RAB3C: variants seen among roughly 807,000 people sequenced by gnomAD.
RAB3C encodes the protein RAB3C, member RAS oncogene family, also known as ras-related protein Rab-3C.
A neutral mutation model predicts 26.4 loss-of-function variants in RAB3C; 17 were observed. That is an observed-to-expected ratio of 0.64 (90% CI 0.44 to 0.97). The LOEUF (loss-of-function observed/expected upper bound fraction) is 0.97, where lower values mean the gene tolerates loss of function less well. Ranked by LOEUF, RAB3C falls within the 50% of genes least tolerant of loss-of-function variation. The pLI is 0.00. For missense variants in RAB3C, 242 were observed against 281.9 expected (o/e 0.86, Z 1.01); for synonymous variants, 91 against 95.9 (o/e 0.95, Z 0.30).
At chr5:58,742,753 G>A (rs1008227080) in intron 3 of RAB3C, among the ~76,000 whole-genome samples, 10 of 152,118 alleles carry the variant, frequency 6.6e-5, no homozygotes, top group African/African-American at 2.4e-4. Flanking sequence ...TGAATTGACA[G>A]AGCAGAGTTT....
Position 58,851,236 on chromosome 5 carries a change from T to TC in RAB3C, c.570dup (p.Ile191HisfsTer12). ...CAGACATTTGAGCGCCTTGTGGATA[T>TC]CATCTGCGACAAAATGTCAGAGAGT... On this transcript the variant is annotated frameshift_variant, in exon 5 of 5. Transcript: ENST00000282878. LOFTEE classifies it high-confidence loss of function. 6.2e-7 allele frequency: 1 copy of TC among 1,613,986 alleles called. No individual in the cohort carries two copies. Among genetic ancestry groups the TC allele is most frequent in the Non-Finnish European group, 8.5e-7 (1 of 1,179,926 alleles).
intron 2 of RAB3C, among the ~76,000 whole-genome samples, chr5:58,659,508 G>A (rs556744880): frequency 6.6e-6 from 1 of 152,254 alleles, no homozygotes; most frequent in South Asian, 2.1e-4. Context: ...GCCAATGAAA[G>A]GAATAGACTT....
At chr5:58,738,672 G>A (rs371670707) in intron 3 of RAB3C, among the ~76,000 whole-genome samples, 1 of 152,134 alleles carries the variant, frequency 6.6e-6, no homozygotes, top group East Asian at 1.9e-4. Flanking sequence ...CCCAAGTCAG[G>A]CTATATAGGG....
intron 2 of RAB3C, among the ~76,000 whole-genome samples, chr5:58,681,800 A>C (rs1026673794): frequency 2.6e-5 from 4 of 152,192 alleles, no homozygotes; most frequent in Non-Finnish European, 5.9e-5. Context: ...GATTTTAAGC[A>C]AGATTGGGAT....
chr5:58,838,556 A>G (rs1359120394), intron 4 of RAB3C, among the ~76,000 whole-genome samples: 1 of 152,158 alleles, frequency 6.6e-6, no homozygotes, highest in Non-Finnish European at 1.5e-5. Flanking sequence ...CAGGTAAGAT[A>G]CTTAATATAA....
chr5:58,734,121 A>G (rs1741086910), intron 3 of RAB3C, among the ~76,000 whole-genome samples: 1 of 152,204 alleles, frequency 6.6e-6, no homozygotes, highest in African/African-American at 2.4e-5. Flanking sequence ...TCAGTTTTAA[A>G]TAATTCATTT....
intron 2 of RAB3C, among the ~76,000 whole-genome samples, chr5:58,719,827 G>T (rs1403774492): frequency 6.6e-6 from 1 of 151,824 alleles, no homozygotes; most frequent in African/African-American, 2.4e-5. Context: ...TGGGTACAGG[G>T]TATACTGCTT....
chr5:58,827,009 T>A (rs1019541648), intron 4 of RAB3C, among the ~76,000 whole-genome samples: 1 of 152,212 alleles, frequency 6.6e-6, no homozygotes, highest in Non-Finnish European at 1.5e-5. Context: ...CCAAATATTC[T>A]TAGAGCCACC....
intron 2 of RAB3C, among the ~76,000 whole-genome samples, chr5:58,659,829 G>A (rs1747861609): frequency 6.6e-6 from 1 of 152,004 alleles, no homozygotes; most frequent in Non-Finnish European, 1.5e-5. Flanking sequence ...TTTGAGACAA[G>A]GTCTGGCTCT....
At chr5:58,823,972 G>A (rs1743412471) in intron 3 of RAB3C, among the ~76,000 whole-genome samples, 1 of 148,932 alleles carries the variant, frequency 6.7e-6, no homozygotes, top group Non-Finnish European at 1.5e-5. Flanking sequence ...GAGAACATGC[G>A]GTGTTTGGTT....
chr5:58,682,871 C>T (rs1235116032), intron 2 of RAB3C, among the ~76,000 whole-genome samples: 1 of 152,166 alleles, frequency 6.6e-6, no homozygotes, highest in African/African-American at 2.4e-5. Context: ...ATTTACTCAA[C>T]ATGTTCCTGA....
At chr5:58,723,671 C>T (rs781492491) in intron 2 of RAB3C, among the ~76,000 whole-genome samples, 1 of 151,660 alleles carries the variant, frequency 6.6e-6, no homozygotes, top group Non-Finnish European at 1.5e-5. Flanking sequence ...CCAATAGTGA[C>T]CTTATGAGAC....
chr5:58,701,119 C>T (rs1748833278), intron 2 of RAB3C, among the ~76,000 whole-genome samples: 1 of 152,038 alleles, frequency 6.6e-6, no homozygotes, highest in Non-Finnish European at 1.5e-5. Flanking sequence ...CCTCAGCCCC[C>T]AGAGTAGCTG....
chr5:58,769,372 A>G (rs1260228705), intron 3 of RAB3C, among the ~76,000 whole-genome samples: 1 of 152,118 alleles, frequency 6.6e-6, no homozygotes, highest in Non-Finnish European at 1.5e-5. Context: ...GTATTAAAGT[A>G]TGTGTACATT....
intron 2 of RAB3C, among the ~76,000 whole-genome samples, chr5:58,708,601 G>A (rs982370983): frequency 2.0e-5 from 3 of 152,190 alleles, no homozygotes; most frequent in Admixed American, 6.5e-5. Context: ...TCAAGCAGTA[G>A]AGTCTGTTTA....
At chr5:58,626,164 C>A (rs545795750) in intron 2 of RAB3C, among the ~76,000 whole-genome samples, 1 of 152,290 alleles carries the variant, frequency 6.6e-6, no homozygotes, top group Admixed American at 6.5e-5. Flanking sequence ...ATGTTTCTAG[C>A]TGCTTTCCTT....
At chr5:58,749,706 TATTCATCAAA>T (rs1741481467) in intron 3 of RAB3C, among the ~76,000 whole-genome samples, 1 of 152,216 alleles carries the variant, frequency 6.6e-6, no homozygotes, top group South Asian at 2.1e-4. Context: ...AAATTTGTCA[TATTCATCAAA>T]ATAACTTTCC....
chr5:58,812,155 G>A (rs1743106393), intron 3 of RAB3C, among the ~76,000 whole-genome samples: 1 of 152,112 alleles, frequency 6.6e-6, no homozygotes, highest in South Asian at 2.1e-4. Flanking sequence ...ACAAAACCTG[G>A]ATGTGACTGT....
In RAB3C at chr5:58,833,325, C is replaced by CACAT. The variant is rs66630262; in HGVS notation, c.496+8166_496+8167insTACA. 7.4e-3 allele frequency among the ~76,000 whole-genome samples: 465 copies of CACAT among 63,086 alleles called. 4 individuals are homozygous for CACAT. The highest frequency in any genetic ancestry group is 0.018 in the Middle Eastern group (3 of 170). 41.4% of individuals were successfully genotyped at this position (63,086 alleles called of 152,430 possible). A position where few individuals can be genotyped will look rare whatever the true frequency, so the allele number is the denominator to read the frequency against. ...TTAAAAACCATGGCACGGACCCCATCACACACACACACACACACACACACA... is the reference window on the plus strand; with the variant it reads ...TTAAAAACCATGGCACGGACCCCATCACATACACACACACACACACACACACACA... On this transcript the variant is annotated intron_variant, in intron 4 of 4. Coordinates refer to ENST00000282878, the MANE Select transcript of RAB3C (RefSeq NM_138453.4).
Sources: gnomAD v4.1 joint callset for allele counts (sites outside exome capture counted in the v4.1 genomes callset) on GRCh38, gnomAD v4.1.1 for gene constraint, MANE v1.5 for transcripts, NCBI Gene and HGNC (gene_info 2026-07-23, HGNC 2026-07-21) for gene names.